The following SENP2 variants were observed in gnomAD, a reference collection of about 807,000 sequenced individuals.
The protein encoded by SENP2 is SUMO specific peptidase 2.
Under a neutral mutation model 86.3 loss-of-function variants are expected in SENP2, and 16 were observed. That is an observed-to-expected ratio of 0.19 (90% CI 0.13 to 0.28). SENP2 has a LOEUF of 0.28. SENP2 is among the 10% of genes least tolerant of loss of function. SENP2 has a pLI of 1.00. For synonymous variants in SENP2, 222 were observed against 238.7 expected (o/e 0.93, Z 0.64); for missense variants, 552 against 703.0 (o/e 0.79, Z 2.43).
chr3:185,609,298 A>G lies in SENP2; in HGVS notation c.670A>G (p.Lys224Glu). 5 of 1,613,902 alleles carry G rather than the reference A, an allele frequency of 3.1e-6. No individual in the cohort carries two copies. The highest frequency in any genetic ancestry group is 4.2e-6 in the Non-Finnish European group (5 of 1,179,862). ...GTACCGAAAGTTATTGGAACGACTT[A>G]AAGAAAGTGGTCATGGAAACTCTGT... ...EKYRKLLERL[K>E]ESGHGNSVCP... Residue 224 changes from lysine to glutamate, a missense_variant, in exon 7 of 17, where the codon AAA (lysine) becomes GAA (glutamate). Transcript: ENST00000296257.
intron 5 of SENP2, among the ~76,000 whole-genome samples, chr3:185,603,499 G>A (rs186009134): frequency 1.3e-5 from 2 of 152,318 alleles, no homozygotes; most frequent in East Asian, 3.9e-4. Context: ...GTTTCAGACT[G>A]AAGGAGATGA....
At chr3:185,624,498 G>T (rs1478454902) in intron 15 of SENP2, among the ~76,000 whole-genome samples, 1 of 152,176 alleles carries the variant, frequency 6.6e-6, no homozygotes, top group Non-Finnish European at 1.5e-5. Context: ...TGGTGCTAAT[G>T]AAAGTTTACA....
At chr3:185,602,663 G>A (rs908769637) in intron 5 of SENP2, among the ~76,000 whole-genome samples, 5 of 151,418 alleles carry the variant, frequency 3.3e-5, no homozygotes, top group African/African-American at 7.3e-5. Context: ...GAGAAATCCC[G>A]TTTCTACTAA....
At chr3:185,622,395 A>C (rs938720210) in intron 14 of SENP2, among the ~76,000 whole-genome samples, 1 of 152,222 alleles carries the variant, frequency 6.6e-6, no homozygotes, top group African/African-American at 2.4e-5. Context: ...AAGTAGTGAC[A>C]TGAGTTGAGT....
chr3:185,629,380 C>A (rs1712307874), intron 16 of SENP2, among the ~76,000 whole-genome samples: 1 of 152,036 alleles, frequency 6.6e-6, no homozygotes. Context: ...AGGTCAAGAC[C>A]AGCCTGGCCA....
intron 15 of SENP2, among the ~76,000 whole-genome samples, chr3:185,624,981 T>G (rs1180765355): frequency 1.3e-5 from 2 of 152,060 alleles, no homozygotes; most frequent in Non-Finnish European, 2.9e-5. Context: ...GTATGGGAAA[T>G]GGAATAAAGA....
Position 185,590,174 on chromosome 3 carries a change from T to C in SENP2, c.157+5T>C. ...CAGCCAAAAGACCAAGATTAGGTAC[T>C]GAATATAAATTTTAAAAATTTTTAG... On this transcript the variant is annotated splice_donor_5th_base_variant and intron_variant, in intron 2 of 16. Transcript: ENST00000296257. The C allele has an allele frequency of 6.7e-7, 1 of 1,500,572 alleles. No homozygotes were observed. Among genetic ancestry groups the C allele is most frequent in the South Asian group, 1.3e-5 (1 of 74,678 alleles). 93.0% of individuals were successfully genotyped at this position (1,500,572 alleles called of 1,614,324 possible). A position where few individuals can be genotyped will look rare whatever the true frequency, so the allele number is the denominator to read the frequency against.
rs546828406 is a variant in SENP2 at position 185,605,370 on chromosome 3, G to A, written c.450-960G>A. Among the ~76,000 whole-genome samples the A allele has an allele frequency of 1.4e-3, 203 of 144,790 alleles. 2 individuals carry two copies. Among genetic ancestry groups the A allele is most frequent in the African/African-American group, 4.9e-3 (195 of 39,530 alleles). The allele number at this position is 144,790 out of a possible 152,430, so 95.0% of individuals were successfully genotyped here. A position where few individuals can be genotyped will look rare whatever the true frequency, so the allele number is the denominator to read the frequency against. ...TGGAGGACAAGAGTGAAACTTCGTC[G>A]AAAAAAAAAAGAATAAGGGCATTCA... On this transcript the variant is annotated intron_variant, in intron 5 of 16. Coordinates refer to ENST00000296257, the MANE Select transcript of SENP2 (RefSeq NM_021627.3).
Position 185,609,653 on chromosome 3 carries a change from C to T in SENP2, c.722+303C>T, listed in dbSNP as rs1722622292. 3.3e-5 allele frequency among the ~76,000 whole-genome samples: 5 copies of T among 152,032 alleles called. No homozygotes were observed. The South Asian group carries it at 8.3e-4, about 25-fold the overall frequency. On this transcript the variant is annotated intron_variant, in intron 7 of 16. Transcript: ENST00000296257. ...AGAGGCAGAGAGTTTCTTCAACCTC[C>T]CCAGCATACATTTCCCACAATCTCT...
At chr3:185,602,060 A>G (rs893694134) in intron 5 of SENP2, among the ~76,000 whole-genome samples, 28 of 152,038 alleles carry the variant, frequency 1.8e-4, no homozygotes, top group African/African-American at 6.8e-4. Flanking sequence ...TCTTGTTCTT[A>G]TAAGGATGCA....
At chr3:185,626,437 G>C (rs775153622) in intron 16 of SENP2, 44 bp downstream of exon 16, 67 of 1,377,296 alleles carry the variant, frequency 4.9e-5, no homozygotes, top group Non-Finnish European at 6.7e-5. Context: ...TACTAAGCAA[G>C]ATAAGGCACT....
Position 185,586,568 on chromosome 3 carries a change from GGGCTCCTC to G in SENP2, c.101+58_101+65del. ...CTGGCCTTACCCCCTCCCCCACAGC[GGGCTCCTC>G]GGCCGTGATAGCTTTGATTCAGCCA... On this transcript the variant is annotated intron_variant, in intron 1 of 16. Transcript: ENST00000296257. This position sits in a 1 kb window ranked among gnomAD's most constrained non-coding sequence, Gnocchi z 4.3. 6.5e-7 allele frequency: 1 copy of G among 1,528,398 alleles called. No homozygotes were observed. The highest frequency in any genetic ancestry group is 1.1e-5 in the South Asian group (1 of 89,524). 94.7% of individuals were successfully genotyped at this position (1,528,398 alleles called of 1,614,324 possible).
chr3:185,600,088 C>T (rs144591804), intron 4 of SENP2, among the ~76,000 whole-genome samples: 91 of 152,266 alleles, frequency 6.0e-4, no homozygotes, highest in African/African-American at 2.1e-3. Context: ...TGAGCCACTG[C>T]GCCCAGCCCA....
intron 2 of SENP2, among the ~76,000 whole-genome samples, chr3:185,595,706 A>G (rs1722152528): frequency 6.6e-6 from 1 of 152,336 alleles, no homozygotes; most frequent in Non-Finnish European, 1.5e-5. Flanking sequence ...GAAAGTGAGA[A>G]AGAGGTAGTG....
chr3:185,629,907 A>C lies in SENP2; in HGVS notation c.*63A>C. The C allele has an allele frequency of 7.3e-6, 11 of 1,515,384 alleles. No homozygotes were observed. The highest frequency in any genetic ancestry group is 9.2e-6 in the Non-Finnish European group (10 of 1,091,332). 93.9% of individuals were successfully genotyped at this position (1,515,384 alleles called of 1,614,324 possible). On this transcript the variant is annotated 3_prime_UTR_variant, in exon 17 of 17. Coordinates refer to ENST00000296257, the MANE Select transcript of SENP2 (RefSeq NM_021627.3). ...TTTCACAGACATTTCCATATACCTC[A>C]TGCATTGTGGGTTAAAAAGTCCCTG...
At chr3:185,618,474 T>C (rs896330381) in intron 12 of SENP2, among the ~76,000 whole-genome samples, 1 of 152,252 alleles carries the variant, frequency 6.6e-6, no homozygotes, top group Non-Finnish European at 1.5e-5. Context: ...TAGTTACTTA[T>C]AAACACATTC....
chr3:185,609,868 T>C (rs1313958233), intron 7 of SENP2, among the ~76,000 whole-genome samples: 2 of 152,136 alleles, frequency 1.3e-5, no homozygotes, highest in Non-Finnish European at 2.9e-5. Context: ...CTTAGCACAT[T>C]TGGAAACCCA....
chr3:185,588,524 CAAGAA>C (rs1721876289), intron 1 of SENP2, among the ~76,000 whole-genome samples: 1 of 151,938 alleles, frequency 6.6e-6, no homozygotes, highest in South Asian at 2.1e-4. Context: ...GCCTCAATAT[CAAGAA>C]AAGTGGAAGA....
At chr3:185,628,138 A>G (rs1712232627) in intron 16 of SENP2, among the ~76,000 whole-genome samples, 1 of 151,782 alleles carries the variant, frequency 6.6e-6, no homozygotes, top group South Asian at 2.1e-4. Context: ...GTTTATTATT[A>G]TTATTATTAT....
Sources: allele counts gnomAD v4.1 joint callset (sites outside exome capture counted in the v4.1 genomes callset), GRCh38; gene constraint gnomAD v4.1.1; non-coding constraint Gnocchi (gnomAD v3.1); transcripts MANE v1.5; gene names NCBI Gene and HGNC (gene_info 2026-07-23, HGNC 2026-07-21).